Variants in ZFHX4 observed in about 807,000 individuals in gnomAD.
ZFHX4 encodes the protein zinc finger homeobox 4, also known as zinc finger homeobox protein 4.
ZFHX4 carries 56 observed loss-of-function variants against 267.6 expected under a neutral mutation model. The ratio of observed to expected loss-of-function variants is 0.21; its 90% CI spans 0.17 to 0.26. The LOEUF is 0.26. ZFHX4 is among the 10% of genes least tolerant of loss of function. The pLI is 1.00. For missense variants in ZFHX4, 4,332 were observed against 4,420.0 expected, an observed-to-expected ratio of 0.98 and a Z score of 0.56; for synonymous variants, 1,778 against 1,665.6, an observed-to-expected ratio of 1.07 and a Z score of -1.64.
chr8:76,793,210 G>A (rs1810885402), intron 4 of ZFHX4, among the ~76,000 whole-genome samples: 1 of 151,952 alleles, frequency 6.6e-6, no homozygotes, highest in Non-Finnish European at 1.5e-5. Context: ...ACATTTTAGA[G>A]TTTCCTCTAT....
At chr8:76,729,648 C>G (rs546373986) in intron 3 of ZFHX4, among the ~76,000 whole-genome samples, 1 of 152,242 alleles carries the variant, frequency 6.6e-6, no homozygotes, top group African/African-American at 2.4e-5. Flanking sequence ...GCCCTTTTCT[C>G]TTAACATAAT....
At chr8:76,788,019 C>G (rs1226290238) in intron 4 of ZFHX4, among the ~76,000 whole-genome samples, 3 of 151,820 alleles carry the variant, frequency 2.0e-5, no homozygotes, top group African/African-American at 7.3e-5. Flanking sequence ...CCAACATGTT[C>G]CTTATTTTAT....
At chr8:76,821,937 T>G (rs1563541566) in intron 4 of ZFHX4, among the ~76,000 whole-genome samples, 1 of 151,932 alleles carries the variant, frequency 6.6e-6, no homozygotes, top group South Asian at 2.1e-4. Flanking sequence ...TAAACTACCA[T>G]TAATGCATTG....
intron 4 of ZFHX4, among the ~76,000 whole-genome samples, chr8:76,803,616 T>C (rs1478560954): frequency 2.0e-5 from 3 of 152,102 alleles, no homozygotes; most frequent in African/African-American, 4.8e-5. Context: ...TTCTAAAAAG[T>C]ATAAAGTAGC....
chr8:76,740,638 A>G (rs1391084161), intron 3 of ZFHX4, among the ~76,000 whole-genome samples: 2 of 152,180 alleles, frequency 1.3e-5, no homozygotes, highest in Non-Finnish European at 2.9e-5. Context: ...TTTTTCTGAA[A>G]TAAAATTTGC....
At chr8:76,732,868 T>C (rs1809058625) in intron 3 of ZFHX4, among the ~76,000 whole-genome samples, 1 of 152,138 alleles carries the variant, frequency 6.6e-6, no homozygotes, top group Non-Finnish European at 1.5e-5. Context: ...GAGATTAAAA[T>C]AATCTTCAAA....
At chr8:76,793,060 T>C (rs1810880810) in intron 4 of ZFHX4, among the ~76,000 whole-genome samples, 1 of 152,156 alleles carries the variant, frequency 6.6e-6, no homozygotes, top group Non-Finnish European at 1.5e-5. Context: ...AGGAAGTTAG[T>C]GTCTGACCTA....
intron 3 of ZFHX4, among the ~76,000 whole-genome samples, chr8:76,723,567 T>A (rs1205511693): frequency 6.6e-6 from 1 of 151,622 alleles, no homozygotes; most frequent in African/African-American, 2.4e-5. Context: ...TTTTTTTTTT[T>A]AACTTATTTG....
intron 1 of ZFHX4, chr8:76,683,380 TAC>T (rs1010819309): frequency 4.9e-5 from 5 of 102,964 alleles, no homozygotes; most frequent in Admixed American, 1.4e-4. Context: ...CACACACACA[TAC>T]ACACACACAC....
intron 1 of ZFHX4, among the ~76,000 whole-genome samples, chr8:76,695,229 G>A (rs1348456820): frequency 3.3e-5 from 5 of 152,108 alleles, no homozygotes; most frequent in Non-Finnish European, 5.9e-5. Flanking sequence ...TTATTTTAAG[G>A]GATATGTTGT....
At chr8:76,762,677 C>T (rs1027973761) in intron 3 of ZFHX4, among the ~76,000 whole-genome samples, 4 of 152,150 alleles carry the variant, frequency 2.6e-5, no homozygotes, top group African/African-American at 9.7e-5. Context: ...TTTATGTTTA[C>T]AACTCCTGAG....
chr8:76,784,878 A>G (rs1810647295), intron 4 of ZFHX4, among the ~76,000 whole-genome samples: 2 of 152,134 alleles, frequency 1.3e-5, no homozygotes. Flanking sequence ...GCCAATATAT[A>G]TTCTAATTAG....
At chr8:76,689,909 G>C (rs750983794) in intron 1 of ZFHX4, among the ~76,000 whole-genome samples, 6 of 152,044 alleles carry the variant, frequency 3.9e-5, no homozygotes, top group Non-Finnish European at 7.4e-5. Context: ...CTAGAGACTG[G>C]ATAAAATAAA....
At chr8:76,816,927 T>A (rs908777188) in intron 4 of ZFHX4, among the ~76,000 whole-genome samples, 7 of 152,190 alleles carry the variant, frequency 4.6e-5, no homozygotes, top group African/African-American at 1.7e-4. Flanking sequence ...AGTTAAAATG[T>A]CTAACTCTGT....
chr8:76,750,494 T>C (rs1239915820), intron 3 of ZFHX4, among the ~76,000 whole-genome samples: 3 of 152,078 alleles, frequency 2.0e-5, no homozygotes, highest in African/African-American at 4.8e-5. Flanking sequence ...AGAATAACCA[T>C]ACAAGGAAGT....
At chr8:76,808,840 C>G (rs1395731653) in intron 4 of ZFHX4, among the ~76,000 whole-genome samples, 1 of 152,084 alleles carries the variant, frequency 6.6e-6, no homozygotes, top group East Asian at 1.9e-4. Context: ...TATTTCAGTC[C>G]TTTTCGCACT....
At position 76,862,359 on chromosome 8, in the gene ZFHX4, G is replaced by T. The variant is rs539288572; in HGVS notation, c.9380-735G>T. Among the ~76,000 whole-genome samples, 313 of 152,276 alleles carry T rather than the reference G, an allele frequency of 2.1e-3. 2 individuals are homozygous for T. The highest frequency in any genetic ancestry group is 2.7e-3 in the Non-Finnish European group (185 of 68,018). On this transcript the variant is annotated intron_variant, in intron 10 of 10. Coordinates refer to ENST00000651372, the MANE Select transcript of ZFHX4 (RefSeq NM_024721.5). ...AGCATGTTTTGGGGGTGGTAAAGTT[G>T]ACTGTTAATATATGCAGTTCCTGTC...
At chr8:76,724,335 C>T (rs1808799768) in intron 3 of ZFHX4, among the ~76,000 whole-genome samples, 1 of 151,974 alleles carries the variant, frequency 6.6e-6, no homozygotes, top group South Asian at 2.1e-4. Context: ...AAGAGAGAAA[C>T]TGTGTCGCCT....
intron 3 of ZFHX4, among the ~76,000 whole-genome samples, chr8:76,723,477 T>G (rs1239997770): frequency 6.6e-6 from 1 of 152,036 alleles, no homozygotes; most frequent in Non-Finnish European, 1.5e-5. Flanking sequence ...GAATATATGT[T>G]TATTTGTTTT....
Sources: gnomAD v4.1 joint callset for allele counts (sites outside exome capture counted in the v4.1 genomes callset) on GRCh38, gnomAD v4.1.1 for gene constraint, MANE v1.5 for transcripts, NCBI Gene and HGNC (gene_info 2026-07-23, HGNC 2026-07-21) for gene names.